SWT1: variants seen among roughly 807,000 people sequenced by gnomAD.
SWT1 encodes the protein transcriptional protein SWT1.
In SWT1, 33 loss-of-function variants were observed where a neutral mutation model predicts 107.3. The observed-to-expected ratio is 0.31, with a 90% confidence interval of 0.23 to 0.41. The LOEUF is 0.41. Ranked by LOEUF, SWT1 falls within the 10% of genes least tolerant of loss-of-function variation. The probability of loss-of-function intolerance (pLI) is 1.00; values close to 1 mark genes in which losing one functional copy is unlikely to be tolerated. For synonymous variants in SWT1, 345 were observed against 348.3 expected, an observed-to-expected ratio of 0.99 and a Z score of 0.11; for missense variants, 898 against 1,028.9, an observed-to-expected ratio of 0.87 and a Z score of 1.74.
At chr1:185,257,744 G>T (rs1348289768) in intron 16 of SWT1, among the ~76,000 whole-genome samples, 3 of 152,246 alleles carry the variant, frequency 2.0e-5, no homozygotes, top group Admixed American at 2.0e-4. Context: ...CGCCTTCTGC[G>T]TCGCTCACGC....
At chr1:185,250,529 T>G (rs902834802) in intron 16 of SWT1, among the ~76,000 whole-genome samples, 1 of 152,198 alleles carries the variant, frequency 6.6e-6, no homozygotes, top group South Asian at 2.1e-4. Context: ...TCTTCCTCTC[T>G]CTATACTCCA....
At chr1:185,240,033 C>G (rs760541282) in intron 16 of SWT1, among the ~76,000 whole-genome samples, 2 of 152,046 alleles carry the variant, frequency 1.3e-5, no homozygotes, top group Non-Finnish European at 2.9e-5. Context: ...ACTGTAAATG[C>G]GTGCAGCTTC....
chr1:185,275,690 A>AG (rs1664194775), intron 17 of SWT1, among the ~76,000 whole-genome samples: 2 of 151,932 alleles, frequency 1.3e-5, no homozygotes, highest in Non-Finnish European at 2.9e-5. Context: ...TGGCCAAAAA[A>AG]ACTGTATATT....
chr1:185,272,965 C>G lies in SWT1; in HGVS notation c.2508+1576C>G, dbSNP rs570929481. On this transcript the variant is annotated intron_variant, in intron 17 of 18. Transcript: ENST00000367500. Reference sequence around the variant, plus strand: ...GAGAGATTATTTGAGTCCGGGAGGTCAAGGCTGCAGTGAGCCATGTTCATA... The same window carrying G: ...GAGAGATTATTTGAGTCCGGGAGGTGAAGGCTGCAGTGAGCCATGTTCATA... 2.2e-4 allele frequency among the ~76,000 whole-genome samples: 34 copies of G among 151,370 alleles called. No individual in the cohort carries two copies. In the East Asian group the frequency reaches 6.6e-3, roughly 30 times the overall value.
chr1:185,242,247 A>C (rs566249144), intron 16 of SWT1, among the ~76,000 whole-genome samples: 1 of 152,308 alleles, frequency 6.6e-6, no homozygotes, highest in South Asian at 2.1e-4. Flanking sequence ...TAAATGTAAT[A>C]TGTAATAAAA....
chr1:185,184,179 A>G, intron 7 of SWT1, 64 bp from the exon 8 acceptor site: 1 of 801,276 alleles, frequency 1.2e-6, no homozygotes. Flanking sequence ...CTGTAATATC[A>G]AAATTTTAGT....
chr1:185,228,738 G>A (rs1358553168), intron 15 of SWT1, among the ~76,000 whole-genome samples: 2 of 152,134 alleles, frequency 1.3e-5, no homozygotes, highest in African/African-American at 4.8e-5. Context: ...GTTTTAGGGA[G>A]GAGTGGTAAT....
intron 17 of SWT1, among the ~76,000 whole-genome samples, chr1:185,276,171 A>T (rs750200538): frequency 5.3e-5 from 8 of 152,280 alleles, no homozygotes; most frequent in Non-Finnish European, 1.0e-4. Flanking sequence ...TTATGGTATT[A>T]TAAATTATAT....
rs943415744 is a variant in SWT1, at chr1:185,243,782, T to C, written c.2441+12074T>C. ...TAATATTAAGCTACTTTATTACTAT[T>C]TAAATATATGTAGTTAATGTATTAT... is the stretch of plus-strand genomic sequence containing the variant. On this transcript the variant is annotated intron_variant, in intron 16 of 18. Coordinates refer to ENST00000367500, the MANE Select transcript of SWT1 (RefSeq NM_017673.7). 3.3e-5 allele frequency among the ~76,000 whole-genome samples: 5 copies of C among 152,342 alleles called. No homozygotes were observed. The East Asian group carries it at 9.6e-4, about 29-fold the overall frequency.
At chr1:185,231,252 C>T (rs1056084896) in intron 15 of SWT1, among the ~76,000 whole-genome samples, 2 of 152,172 alleles carry the variant, frequency 1.3e-5, no homozygotes, top group African/African-American at 4.8e-5. Flanking sequence ...TCATCGTTCT[C>T]ATCCTGAGTA....
intron 16 of SWT1, among the ~76,000 whole-genome samples, chr1:185,233,131 T>C (rs1660613821): frequency 6.6e-6 from 1 of 152,164 alleles, no homozygotes; most frequent in South Asian, 2.1e-4. Flanking sequence ...CTGTGTCCTC[T>C]AGGTGATTCT....
At position 185,180,445 on chromosome 1, in the gene SWT1, C is replaced by T. The variant is rs1655926786; in HGVS notation, c.1021C>T (p.Gln341Ter). The change falls in exon 6 of 19, where the codon CAA becomes TAA. Residue 341 changes from glutamine to a stop codon, truncating the protein, a stop_gained. Coordinates refer to ENST00000367500, the MANE Select transcript of SWT1 (RefSeq NM_017673.7). LOFTEE classifies it high-confidence loss of function. ...VSSESIQDAD[Q>*]EMQIVEELHA... ...ATCTGAAAGTATCCAGGATGCAGAT[C>T]AAGAGGTTATTGATATTCTTGTTTA... 1 of 1,609,320 alleles carries T rather than the reference C, an allele frequency of 6.2e-7. No homozygotes were observed.
At chr1:185,236,825 G>A (rs894682886) in intron 16 of SWT1, among the ~76,000 whole-genome samples, 2 of 151,900 alleles carry the variant, frequency 1.3e-5, no homozygotes, top group Non-Finnish European at 2.9e-5. Flanking sequence ...TCTGACAAAG[G>A]GCTAATATCC....
At chr1:185,200,627 G>A (rs1181401252) in intron 10 of SWT1, among the ~76,000 whole-genome samples, 1 of 152,178 alleles carries the variant, frequency 6.6e-6, no homozygotes, top group Non-Finnish European at 1.5e-5. Context: ...TGGAAGCTTT[G>A]TCCCAGAGGG....
intron 10 of SWT1, among the ~76,000 whole-genome samples, chr1:185,194,590 T>C (rs536463910): frequency 2.0e-5 from 3 of 152,126 alleles, no homozygotes; most frequent in Non-Finnish European, 4.4e-5. Context: ...AAAAGTCTTT[T>C]ATTATCTTTT....
intron 16 of SWT1, among the ~76,000 whole-genome samples, chr1:185,257,538 G>A (rs1004801211): frequency 1.6e-4 from 25 of 152,226 alleles, no homozygotes; most frequent in African/African-American, 4.6e-4. Flanking sequence ...GGAGTGACCC[G>A]ATTTTCCAGG....
rs532007322 is a variant in SWT1, at chr1:185,228,957, T to G, written c.2310-2620T>G. On this transcript the variant is annotated intron_variant, in intron 15 of 18. Coordinates refer to ENST00000367500, the MANE Select transcript of SWT1 (RefSeq NM_017673.7). ...GTGTGGCTGGAGCAAGGGGGCAGAG[T>G]AGGAGGAGATGAAGTAGGGAGGTAC... Among the ~76,000 whole-genome samples, 12 of 151,824 alleles carry G rather than the reference T, an allele frequency of 7.9e-5. No individual in the cohort carries two copies. The South Asian group carries it at 2.1e-3, about 26-fold the overall frequency.
intron 14 of SWT1, among the ~76,000 whole-genome samples, chr1:185,219,250 T>C (rs141541894): frequency 3.3e-4 from 50 of 152,288 alleles, no homozygotes; most frequent in African/African-American, 1.2e-3. Flanking sequence ...GAAGGTCAAA[T>C]CCTGTTCATG....
chr1:185,244,897 A>G (rs1394656834), intron 16 of SWT1, among the ~76,000 whole-genome samples: 1 of 152,104 alleles, frequency 6.6e-6, no homozygotes. Flanking sequence ...TCTAGGCAAC[A>G]TAGTGAGACA....
Sources: allele counts gnomAD v4.1 joint callset (sites outside exome capture counted in the v4.1 genomes callset), GRCh38; gene constraint gnomAD v4.1.1; transcripts MANE v1.5; gene names NCBI Gene and HGNC (gene_info 2026-07-23, HGNC 2026-07-21).